SLC25A14: variants seen among roughly 807,000 people sequenced by gnomAD.
SLC25A14 encodes the protein solute carrier family 25 member 14.
In SLC25A14, 8 loss-of-function variants were observed where a neutral mutation model predicts 28.1. The observed-to-expected ratio is 0.28, with a 90% CI of 0.17 to 0.51. The LOEUF is 0.51. SLC25A14 is among the 20% of genes least tolerant of loss of function. The probability of loss-of-function intolerance (pLI) is 0.97; values close to 1 mark genes in which losing one functional copy is unlikely to be tolerated. For synonymous variants in SLC25A14, 74 were observed against 90.6 expected (o/e 0.82, Z 1.04); for missense variants, 135 against 263.8 (o/e 0.51, Z 3.38).
At chrX:130,344,567 TA>T (rs969027151) in intron 2 of SLC25A14, among the ~76,000 whole-genome samples, 4 of 111,648 alleles carry the variant, frequency 3.6e-5, no homozygotes, top group Non-Finnish European at 7.5e-5. Context: ...GGATGTACGT[TA>T]AATGTCAGAG....
chrX:130,340,010 AGCGGGGCTGGGCCGCGCCAGGCCGC>A (rs1302435677), intron 1 of SLC25A14, 34 bp downstream of exon 1: 57 of 941,763 alleles, frequency 6.1e-5, no homozygotes, highest in Non-Finnish European at 7.3e-5. Context: ...CAGGCTGGGG[AGCGGGGCTGGGCCGCGCCAGGCCGC>A]GCGGGGCCGG....
chrX:130,352,817 T>C (rs2033658280), intron 6 of SLC25A14, among the ~76,000 whole-genome samples: 1 of 112,439 alleles, frequency 8.9e-6, no homozygotes, highest in African/African-American at 3.2e-5. Flanking sequence ...TACCAGATTT[T>C]CATCAGATGC....
intron 7 of SLC25A14, among the ~76,000 whole-genome samples, chrX:130,361,787 G>A (rs749007656): frequency 1.7e-4 from 19 of 111,853 alleles, no homozygotes; most frequent in Admixed American, 1.4e-3. Flanking sequence ...TGGTGAGCCC[G>A]GTGTGGTCAA....
chrX:130,350,741 A>T lies in SLC25A14; in HGVS notation c.498+10A>T. ...CACCGATGTTCTAAAGGTAAGAGAG[A>T]TACAGTGTGATTTGAAAGGAGCATA... On this transcript the variant is annotated intron_variant, in intron 6 of 10. Coordinates refer to ENST00000545805, the MANE Select transcript of SLC25A14 (RefSeq NM_001282195.2). 2 of 1,052,955 alleles carry T rather than the reference A, an allele frequency of 1.9e-6. No individual in the cohort carries two copies. 86.8% of individuals were successfully genotyped at this position (1,052,955 alleles called of 1,213,427 possible).
intron 7 of SLC25A14, among the ~76,000 whole-genome samples, chrX:130,362,412 G>C (rs6418932): frequency 9.2e-6 from 1 of 109,240 alleles, no homozygotes; most frequent in Non-Finnish European, 1.9e-5. Context: ...TTAATATAGT[G>C]GTTATCCCAG....
rs979480817 is a variant in SLC25A14, at chrX:130,339,981, G to T, written c.-173+5G>T. 12 of 910,605 alleles carry T rather than the reference G, an allele frequency of 1.3e-5. No individual in the cohort carries two copies. The highest frequency in any genetic ancestry group is 6.2e-5 in the African/African-American group (3 of 48,194). 75.0% of individuals were successfully genotyped at this position (910,605 alleles called of 1,213,427 possible). A position where few individuals can be genotyped will look rare whatever the true frequency, so the allele number is the denominator to read the frequency against. The stretch of plus-strand genomic sequence containing the variant: ...TCGTCCGATGAGCCCGAGCAGGTGA[G>T]GGGGAGCTCCTGGACTTCCAGGCTG... On this transcript the variant is annotated splice_donor_5th_base_variant and intron_variant, in intron 1 of 10. Transcript: ENST00000545805.
At chrX:130,355,837 A>G (rs1274402908) in intron 6 of SLC25A14, among the ~76,000 whole-genome samples, 1 of 112,053 alleles carries the variant, frequency 8.9e-6, no homozygotes, top group Admixed American at 9.5e-5. Flanking sequence ...TAACTTGTCA[A>G]ATAAATGGGA....
Position 130,373,136 on chromosome X carries a change from T to C in SLC25A14, c.*186T>C, listed in dbSNP as rs2034305098. On this transcript the variant is annotated 3_prime_UTR_variant, in exon 11 of 11. Coordinates refer to ENST00000545805, the MANE Select transcript of SLC25A14 (RefSeq NM_001282195.2). ...TATGTTTGTGTTACCATGTTAACTT[T>C]TCCCCGAGAGAAAGTGTTAACATTG... 5.1e-6 allele frequency: 2 copies of C among 393,105 alleles called. No individual in the cohort carries two copies. Among genetic ancestry groups the C allele is most frequent in the Non-Finnish European group, 8.8e-6 (2 of 228,163 alleles). 32.4% of individuals were successfully genotyped at this position (393,105 alleles called of 1,213,427 possible).
intron 2 of SLC25A14, among the ~76,000 whole-genome samples, chrX:130,340,862 G>A (rs938648415): frequency 7.2e-5 from 8 of 111,044 alleles, no homozygotes; most frequent in South Asian, 3.8e-4. Flanking sequence ...CACAAAACAT[G>A]CAGCCCCCTC....
chrX:130,362,101 TTTTATTTATTTATTTATTTA>T (rs756869110), intron 7 of SLC25A14, among the ~76,000 whole-genome samples: 8 of 95,738 alleles, frequency 8.4e-5, no homozygotes, highest in Non-Finnish European at 1.2e-4. Context: ...TTCCACTTCA[TTTTATTTATTTATTTATTTA>T]TTTATTTATT....
At chrX:130,350,607 A>G in intron 5 of SLC25A14, 39 bp from the exon 6 acceptor site, 1 of 894,051 alleles carries the variant, frequency 1.1e-6, no homozygotes, top group Non-Finnish European at 1.6e-6. Context: ...ACTGGTGCCT[A>G]ATACAAGCAG....
chrX:130,351,668 A>C (rs2033625046), intron 6 of SLC25A14, among the ~76,000 whole-genome samples: 1 of 112,096 alleles, frequency 8.9e-6, no homozygotes, highest in Admixed American at 9.4e-5. Context: ...ATTGCGAGAA[A>C]AAAGTAAGAG....
intron 2 of SLC25A14, among the ~76,000 whole-genome samples, chrX:130,343,091 C>T (rs767777341): frequency 4.7e-4 from 52 of 111,079 alleles, no homozygotes; most frequent in African/African-American, 1.5e-3. Context: ...TGTGAAGTTC[C>T]GATAGAGGCT....
chrX:130,365,159 T>C (rs1048725313), intron 8 of SLC25A14: 5 of 811,548 alleles, frequency 6.2e-6, no homozygotes, highest in Non-Finnish European at 7.4e-6. Context: ...AGACTGTTAC[T>C]GATCTCATTT....
intron 2 of SLC25A14, 75 bp downstream of exon 2, chrX:130,340,428 T>C (rs1334223134): frequency 9.0e-7 from 1 of 1,116,374 alleles, no homozygotes; most frequent in Non-Finnish European, 1.2e-6. Flanking sequence ...CTACCCCCTG[T>C]CACTCCTGAG....
At chrX:130,365,187 G>T in intron 8 of SLC25A14, 3 of 807,605 alleles carry the variant, frequency 3.7e-6, no homozygotes, top group Non-Finnish European at 4.4e-6. Context: ...TCTTTGTCTT[G>T]CAACCTTTAT....
intron 7 of SLC25A14, among the ~76,000 whole-genome samples, chrX:130,363,142 A>G (rs12557276): frequency 0.34 from 37,657 of 111,248 alleles, 5,194 homozygotes; most frequent in Non-Finnish European, 0.44. Context: ...ACCACTGTCT[A>G]AGTTTAGAAC....
At chrX:130,345,447 A>G (rs939643306) in intron 3 of SLC25A14, among the ~76,000 whole-genome samples, 172 bp downstream of exon 3, 4 of 112,012 alleles carry the variant, frequency 3.6e-5, no homozygotes, top group Non-Finnish European at 5.7e-5. Context: ...GGTATGGCAG[A>G]TGAGTTAAGA....
intron 5 of SLC25A14, chrX:130,349,555 A>C: frequency 4.0e-6 from 1 of 249,194 alleles, no homozygotes; most frequent in Non-Finnish European, 7.3e-6. Context: ...TCCTATCAAC[A>C]AAAAAGGCAT....
Sources: allele counts gnomAD v4.1 joint callset (sites outside exome capture counted in the v4.1 genomes callset), GRCh38; gene constraint gnomAD v4.1.1; transcripts MANE v1.5; gene names NCBI Gene and HGNC (gene_info 2026-07-23, HGNC 2026-07-21).